Variants in ATRNL1 observed in about 807,000 individuals in gnomAD.
The protein encoded by ATRNL1 is attractin-like protein 1.
In ATRNL1, 95 loss-of-function variants were observed where a neutral mutation model predicts 182.7. The observed-to-expected ratio is 0.52, with a 90% confidence interval of 0.44 to 0.62. The LOEUF (loss-of-function observed/expected upper bound fraction) is 0.62, where lower values mean the gene tolerates loss of function less well. Among genes scored for constraint, ATRNL1 ranks in the 20% least tolerant of loss-of-function variants. The probability of loss-of-function intolerance (pLI) is 0.00; values close to 1 mark genes in which losing one functional copy is unlikely to be tolerated. For missense variants in ATRNL1, 1,471 were observed against 1,679.5 expected, an observed-to-expected ratio of 0.88 and a Z score of 2.17; for synonymous variants, 576 against 568.3, an observed-to-expected ratio of 1.01 and a Z score of -0.19.
chr10:115,560,299 G>C (rs1853621249), intron 26 of ATRNL1, among the ~76,000 whole-genome samples: 1 of 152,064 alleles, frequency 6.6e-6, no homozygotes, highest in South Asian at 2.1e-4. Context: ...ACATGGCTGG[G>C]GAGGCCTCAC....
intron 3 of ATRNL1, among the ~76,000 whole-genome samples, chr10:115,123,991 T>C (rs947829683): frequency 1.3e-5 from 2 of 151,904 alleles, no homozygotes; most frequent in African/African-American, 2.4e-5. Context: ...CTTCCACTGA[T>C]TCTACATTAT....
At chr10:115,462,174 C>G (rs1554969839) in intron 22 of ATRNL1, 139 bp downstream of exon 22, 3 of 506,782 alleles carry the variant, frequency 5.9e-6, no homozygotes, top group Non-Finnish European at 1.0e-5. Context: ...AATTTTTTCT[C>G]TCTTCGTGAT....
intron 9 of ATRNL1, among the ~76,000 whole-genome samples, chr10:115,230,652 G>C (rs1376928591): frequency 6.6e-6 from 1 of 152,112 alleles, no homozygotes; most frequent in Non-Finnish European, 1.5e-5. Context: ...GACATGCTCT[G>C]ACTTAGATTT....
At chr10:115,631,585 T>G (rs1484898763) in intron 26 of ATRNL1, among the ~76,000 whole-genome samples, 1 of 152,110 alleles carries the variant, frequency 6.6e-6, no homozygotes. Flanking sequence ...ATGCTGTAAC[T>G]CAACAGTAAC....
rs1259774891 is a variant in ATRNL1 at position 115,204,482 on chromosome 10, G to A, written c.1349-11215G>A. ...TCCTTTGATACCTAATTTGCTGAGA[G>A]TTTTTATCATGAAAATATGTTGAAT... On this transcript the variant is annotated intron_variant, in intron 8 of 28. Coordinates refer to ENST00000355044, the MANE Select transcript of ATRNL1 (RefSeq NM_207303.4). Among the ~76,000 whole-genome samples, 4 of 152,026 alleles carry A rather than the reference G, an allele frequency of 2.6e-5. No homozygotes were observed. The East Asian group carries it at 5.8e-4, about 22-fold the overall frequency.
At chr10:115,584,805 T>G (rs1855402943) in intron 26 of ATRNL1, among the ~76,000 whole-genome samples, 2 of 152,110 alleles carry the variant, frequency 1.3e-5, no homozygotes, top group South Asian at 4.1e-4. Flanking sequence ...TGAATGTGTT[T>G]GCTCTTGCTT....
intron 5 of ATRNL1, among the ~76,000 whole-genome samples, chr10:115,159,155 C>A (rs1413504931): frequency 6.6e-6 from 1 of 151,188 alleles, no homozygotes; most frequent in Non-Finnish European, 1.5e-5. Context: ...TATAAATTTA[C>A]TTATATATAA....
intron 28 of ATRNL1, among the ~76,000 whole-genome samples, chr10:115,914,732 C>T (rs1264856223): frequency 2.6e-5 from 4 of 152,108 alleles, no homozygotes; most frequent in Admixed American, 1.3e-4. Flanking sequence ...TTTCTTTTCC[C>T]GATTGTTCAA....
intron 27 of ATRNL1, among the ~76,000 whole-genome samples, chr10:115,767,164 A>T (rs1424359848): frequency 6.6e-6 from 1 of 152,068 alleles, no homozygotes; most frequent in Non-Finnish European, 1.5e-5. Flanking sequence ...TCACTCATTT[A>T]TTTATTAAAC....
chr10:115,863,664 A>G (rs1951368478), intron 28 of ATRNL1, among the ~76,000 whole-genome samples: 1 of 152,192 alleles, frequency 6.6e-6, no homozygotes. Flanking sequence ...GTGTTGGTAT[A>G]CAATTGTATG....
intron 25 of ATRNL1, among the ~76,000 whole-genome samples, chr10:115,534,427 C>A (rs1460712934): frequency 6.6e-6 from 1 of 152,172 alleles, no homozygotes. Context: ...GGATTGCAAC[C>A]CCTGCCTTTT....
intron 27 of ATRNL1, among the ~76,000 whole-genome samples, chr10:115,812,150 CTG>C (rs1465462553): frequency 4.6e-5 from 7 of 152,028 alleles, no homozygotes; most frequent in South Asian, 2.1e-4. Context: ...TATTTTTAAT[CTG>C]TGTTATATAT....
chr10:115,506,130 T>C (rs750660342), intron 24 of ATRNL1, among the ~76,000 whole-genome samples: 1 of 151,940 alleles, frequency 6.6e-6, no homozygotes, highest in Non-Finnish European at 1.5e-5. Flanking sequence ...TGCTGTCCAT[T>C]TTCTCCCCCA....
chr10:115,828,276 C>T (rs1253161015), intron 27 of ATRNL1, among the ~76,000 whole-genome samples: 7 of 151,902 alleles, frequency 4.6e-5, no homozygotes, highest in African/African-American at 1.7e-4. Flanking sequence ...GAAATCACAC[C>T]ACTGCACTCC....
At chr10:115,276,209 A>G (rs1182813807) in intron 13 of ATRNL1, among the ~76,000 whole-genome samples, 4 of 152,072 alleles carry the variant, frequency 2.6e-5, no homozygotes, top group African/African-American at 9.7e-5. Flanking sequence ...TGTTAATCCC[A>G]TATATGAGGA....
intron 26 of ATRNL1, among the ~76,000 whole-genome samples, chr10:115,701,451 CAG>C (rs1234529703): frequency 3.3e-5 from 5 of 151,980 alleles, no homozygotes; most frequent in African/African-American, 9.6e-5. Flanking sequence ...TAACTGAAAT[CAG>C]AGCATAGCTG....
intron 20 of ATRNL1, among the ~76,000 whole-genome samples, chr10:115,420,741 A>G (rs1219295703): frequency 2.0e-5 from 3 of 152,144 alleles, no homozygotes; most frequent in African/African-American, 7.2e-5. Flanking sequence ...GACTAAAAAT[A>G]CAAAGCATCA....
At chr10:115,516,822 C>T (rs1850662835) in intron 24 of ATRNL1, among the ~76,000 whole-genome samples, 1 of 151,868 alleles carries the variant, frequency 6.6e-6, no homozygotes, top group Non-Finnish European at 1.5e-5. Context: ...GATATAAGCT[C>T]ATATATCACC....
intron 26 of ATRNL1, among the ~76,000 whole-genome samples, chr10:115,570,778 T>C (rs1410481633): frequency 6.6e-6 from 1 of 152,130 alleles, no homozygotes; most frequent in East Asian, 1.9e-4. Context: ...GAGATGCTCC[T>C]TTTTGGAATC....
Sources: allele counts gnomAD v4.1 joint callset (sites outside exome capture counted in the v4.1 genomes callset), GRCh38; gene constraint gnomAD v4.1.1; transcripts MANE v1.5; gene names NCBI Gene and HGNC (gene_info 2026-07-23, HGNC 2026-07-21).